VAV2: variants seen among roughly 807,000 people sequenced by gnomAD.
The protein encoded by VAV2 is vav guanine nucleotide exchange factor 2.
Under a neutral mutation model 132.5 loss-of-function variants are expected in VAV2, and 67 were observed. The ratio of observed to expected loss-of-function variants is 0.51; its 90% CI spans 0.42 to 0.62. The LOEUF (loss-of-function observed/expected upper bound fraction) is 0.62. Among genes scored for constraint, VAV2 ranks in the 20% least tolerant of loss-of-function variants. The pLI, the probability that VAV2 is intolerant of heterozygous loss-of-function variation, is 0.00. For synonymous variants in VAV2, 492 were observed against 443.5 expected (o/e 1.11, Z -1.37); for missense variants, 938 against 1,153.6 (o/e 0.81, Z 2.71).
Position 133,823,993 on chromosome 9 carries a change from G to A in VAV2, c.449+10279C>T, listed in dbSNP as rs964181353. On this transcript the variant is annotated intron_variant, in intron 4 of 29. Coordinates refer to ENST00000371850, the MANE Select transcript of VAV2 (RefSeq NM_001134398.2). This position sits in a 1 kb window ranked among gnomAD's most constrained non-coding sequence, Gnocchi z 5.5. ...CTCTCCCTCAGTGGTGGGGGTGGGGGAGCAGGGTTTCGAGGTCACTGAAGC... is the reference window on the plus strand; with the variant it reads ...CTCTCCCTCAGTGGTGGGGGTGGGGAAGCAGGGTTTCGAGGTCACTGAAGC... Among the ~76,000 whole-genome samples, 2 of 152,146 alleles carry A rather than the reference G, an allele frequency of 1.3e-5. No homozygotes were observed. The highest frequency in any genetic ancestry group is 6.5e-5 in the Admixed American group (1 of 15,284).
intron 1 of VAV2, among the ~76,000 whole-genome samples, chr9:133,959,826 AG>A (rs1841908246): frequency 6.6e-6 from 1 of 152,216 alleles, no homozygotes; most frequent in Non-Finnish European, 1.5e-5. Flanking sequence ...CCAGCCAAGG[AG>A]GGCCCAGAGC....
Position 133,823,706 on chromosome 9 carries a change from T to C in VAV2, c.449+10566A>G, listed in dbSNP as rs2131739587. Among the ~76,000 whole-genome samples, 1 of 152,298 alleles carries C rather than the reference T, an allele frequency of 6.6e-6. No homozygotes were observed. Among genetic ancestry groups the C allele is most frequent in the East Asian group, 1.9e-4 (1 of 5,176 alleles). ...TGGAAAATGGCAAGATGAATGCGTATGTCTTTAAAGCTGCCCTTCTGCGCC... is the reference window on the plus strand; with the variant it reads ...TGGAAAATGGCAAGATGAATGCGTACGTCTTTAAAGCTGCCCTTCTGCGCC... On this transcript the variant is annotated intron_variant, in intron 4 of 29. Transcript: ENST00000371850. The surrounding 1 kb of genome is among the most constrained non-coding windows in gnomAD (Gnocchi z 5.5).
rs550277084 is a variant in VAV2 at position 133,990,920 on chromosome 9, C to T, written c.204+1155G>A. ...GGAAGGCGGCCCCTTCCCCTCTGGG[C>T]TTGCCTTTGTCAGCGCCCCCCAACC... On this transcript the variant is annotated intron_variant, in intron 1 of 29. Coordinates refer to ENST00000371850, the MANE Select transcript of VAV2 (RefSeq NM_001134398.2). 1.4e-4 allele frequency among the ~76,000 whole-genome samples: 21 copies of T among 152,282 alleles called. No homozygotes were observed. In the South Asian group the frequency reaches 4.4e-3, roughly 32 times the overall value.
At chr9:133,787,977 C>T (rs1024792902) in intron 15 of VAV2, among the ~76,000 whole-genome samples, 3 of 152,206 alleles carry the variant, frequency 2.0e-5, no homozygotes, top group African/African-American at 7.2e-5. Flanking sequence ...CTGCTTGCTA[C>T]AAGGGACAAC....
At chr9:133,842,714 C>A (rs545730705) in intron 3 of VAV2, among the ~76,000 whole-genome samples, 96 of 152,350 alleles carry the variant, frequency 6.3e-4, no homozygotes, top group African/African-American at 2.1e-3. Flanking sequence ...TACTGGAACA[C>A]CACCAGGTGC....
intron 2 of VAV2, among the ~76,000 whole-genome samples, chr9:133,902,611 G>A (rs1223262234): frequency 6.6e-6 from 1 of 152,186 alleles, no homozygotes; most frequent in African/African-American, 2.4e-5. Context: ...AGAAAAATGA[G>A]GGAGTGTTTC....
chr9:133,826,893 A>G lies in VAV2; in HGVS notation c.449+7379T>C, dbSNP rs897731891. Among the ~76,000 whole-genome samples, 1 of 152,182 alleles carries G rather than the reference A, an allele frequency of 6.6e-6. No homozygotes were observed. The highest frequency in any genetic ancestry group is 2.4e-5 in the African/African-American group (1 of 41,442). On this transcript the variant is annotated intron_variant, in intron 4 of 29. Transcript: ENST00000371850. This position sits in a 1 kb window ranked among gnomAD's most constrained non-coding sequence, Gnocchi z 4.2. ...ACAGACAGGCAAGGGCAACCCTGCC[A>G]CAGCGGCACCAGTGTCCTCGCAAGA... is the stretch of plus-strand genomic sequence containing the variant.
At chr9:133,888,950 G>C (rs964488350) in intron 2 of VAV2, among the ~76,000 whole-genome samples, 13 of 152,190 alleles carry the variant, frequency 8.5e-5, no homozygotes, top group East Asian at 5.8e-4. Context: ...GCAAGGAGAC[G>C]ACACGAACAG....
At chr9:133,782,687 C>T (rs1045273178) in intron 19 of VAV2, among the ~76,000 whole-genome samples, 3 of 152,190 alleles carry the variant, frequency 2.0e-5, no homozygotes, top group African/African-American at 7.2e-5. Flanking sequence ...AGACAAGACC[C>T]AGAGACTCGG....
intron 9 of VAV2, among the ~76,000 whole-genome samples, chr9:133,805,840 T>C (rs1459607301): frequency 6.6e-6 from 1 of 152,082 alleles, no homozygotes; most frequent in Non-Finnish European, 1.5e-5. Flanking sequence ...GTTAGAAACA[T>C]CCAGAACCCC....
Position 133,861,399 on chromosome 9 carries a change from T to C in VAV2, c.355A>G (p.Ser119Gly), listed in dbSNP as rs1388590237. The stretch of plus-strand genomic sequence containing the variant: ...CTGATCCCTTTGTTCTGCGCGATGC[T>C]GTGCAGGGAGAGCCTCGACACCGCG... ...ISAVSRLSLH[S>G]IAQNKGIRPF... Residue 119 changes from serine to glycine, a missense_variant, in exon 3 of 30, where the codon AGC becomes GGC. Transcript: ENST00000371850. 2 of 1,613,604 alleles carry C rather than the reference T, an allele frequency of 1.2e-6. No individual in the cohort carries two copies. The highest frequency in any genetic ancestry group is 1.7e-5 in the Admixed American group (1 of 59,996).
chr9:133,856,538 G>C (rs777932466), intron 3 of VAV2, among the ~76,000 whole-genome samples: 1 of 152,156 alleles, frequency 6.6e-6, no homozygotes, highest in Non-Finnish European at 1.5e-5. Context: ...ACATAGCTGG[G>C]CCTTCAGACA....
At position 133,969,069 on chromosome 9, in the gene VAV2, G is replaced by A. The variant is rs766434919; in HGVS notation, c.204+23006C>T. Among the ~76,000 whole-genome samples, 10 of 152,202 alleles carry A rather than the reference G, an allele frequency of 6.6e-5. No homozygotes were observed. The highest frequency in any genetic ancestry group is 5.8e-4 in the East Asian group (3 of 5,172). On this transcript the variant is annotated intron_variant, in intron 1 of 29. Transcript: ENST00000371850. This position sits in a 1 kb window ranked among gnomAD's most constrained non-coding sequence, Gnocchi z 5.1. ...TTTTGGGTTTTGAGGCAGTTTGGCC[G>A]GGTGTCGGTGAAAGCCGTCTAGTTG...
At chr9:133,937,541 T>C (rs202071547) in intron 2 of VAV2, among the ~76,000 whole-genome samples, 2 of 58,920 alleles carry the variant, frequency 3.4e-5, no homozygotes, top group East Asian at 8.4e-4. Flanking sequence ...TGTGTGAGAG[T>C]GTGTGTGTGT....
chr9:133,878,772 C>G (rs1329399895), intron 2 of VAV2, among the ~76,000 whole-genome samples: 2 of 152,200 alleles, frequency 1.3e-5, no homozygotes, highest in Non-Finnish European at 2.9e-5. Context: ...CCCGATCCAG[C>G]CAGTGGGTTT....
intron 1 of VAV2, among the ~76,000 whole-genome samples, chr9:133,948,526 G>A (rs957098786): frequency 5.3e-5 from 8 of 152,196 alleles, no homozygotes; most frequent in South Asian, 2.1e-4. Context: ...CAGGGCAGGC[G>A]GCCCGCGTGC....
At position 133,770,460 on chromosome 9, in the gene VAV2, G is replaced by A. The variant is rs765310820; in HGVS notation, c.2265C>T (p.Ser755=). Residue 755 remains serine, a synonymous_variant, in exon 27 of 30, where the codon AGC becomes AGT. Transcript: ENST00000371850. The stretch of plus-strand genomic sequence containing the variant: ...TGAGTGTGGTGTCCAGCTGCTTGAA[G>A]CTCTCCTTCAGTGAGTGGCACTGGT... ...EYYQCHSLKE[S]FKQLDTTLKY... 25 of 1,614,046 alleles carry A rather than the reference G, an allele frequency of 1.5e-5. No individual in the cohort carries two copies. The highest frequency in any genetic ancestry group is 1.4e-5 in the Non-Finnish European group (17 of 1,180,008).
rs768420549 is a variant in VAV2, at chr9:133,788,446, G to C, written c.1315C>G (p.Arg439Gly). Residue 439 changes from arginine (R) to glycine (G), a missense_variant, in exon 15 of 30, where the codon CGG (arginine) becomes GGG (glycine). Transcript: ENST00000371850. This position sits in a 1 kb window ranked among gnomAD's most constrained non-coding sequence, Gnocchi z 5.3. ...LFDKVVIVCKRKGYSYELKEI... is the reference protein window; with the variant it reads ...LFDKVVIVCKGKGYSYELKEI... ...TTGAGCTCGTAGCTGTAGCCCTTCC[G>C]CTTGCAGACGATGACCACCTTGTCA... 1.9e-6 allele frequency: 3 copies of C among 1,611,922 alleles called. No homozygotes were observed. Among genetic ancestry groups the C allele is most frequent in the South Asian group, 1.1e-5 (1 of 91,012 alleles).
At chr9:133,828,621 C>T (rs970616214) in intron 4 of VAV2, among the ~76,000 whole-genome samples, 1 of 152,258 alleles carries the variant, frequency 6.6e-6, no homozygotes, top group African/African-American at 2.4e-5. Flanking sequence ...TGCAGTGCCA[C>T]CAAGTTGGGG....
Sources: allele counts gnomAD v4.1 joint callset (sites outside exome capture counted in the v4.1 genomes callset), GRCh38; gene constraint gnomAD v4.1.1; non-coding constraint Gnocchi (gnomAD v3.1); transcripts MANE v1.5; gene names NCBI Gene and HGNC (gene_info 2026-07-23, HGNC 2026-07-21).